The following OTOGL variants were observed in gnomAD, a reference collection of about 807,000 sequenced individuals.
OTOGL encodes the protein otogelin-like protein.
In OTOGL, 285 loss-of-function variants were observed where a neutral mutation model predicts 318.5. That is an observed-to-expected ratio of 0.89 (90% confidence interval 0.81 to 0.99). OTOGL has a LOEUF of 0.99. OTOGL is among the 50% of genes least tolerant of loss of function. The pLI, the probability that OTOGL is intolerant of heterozygous loss-of-function variation, is 0.00. For missense variants in OTOGL, 2,899 were observed against 2,845.6 expected, an observed-to-expected ratio of 1.02 and a Z score of -0.43; for synonymous variants, 987 against 936.5, an observed-to-expected ratio of 1.05 and a Z score of -0.99.
At chr12:80,253,052 TC>T (rs1881711649) in intron 13 of OTOGL, among the ~76,000 whole-genome samples, 1 of 152,308 alleles carries the variant, frequency 6.6e-6, no homozygotes, top group Non-Finnish European at 1.5e-5. Flanking sequence ...AGTCGCATGG[TC>T]TTGGACATTT....
chr12:80,299,982 T>G (rs753162782), intron 27 of OTOGL, among the ~76,000 whole-genome samples: 1 of 152,176 alleles, frequency 6.6e-6, no homozygotes, highest in African/African-American at 2.4e-5. Flanking sequence ...AGAAAAGATG[T>G]GCTTTTGTAT....
intron 44 of OTOGL, among the ~76,000 whole-genome samples, chr12:80,349,576 C>T (rs779248203): frequency 6.6e-6 from 1 of 152,022 alleles, no homozygotes; most frequent in Non-Finnish European, 1.5e-5. Flanking sequence ...AAGGAGAGAA[C>T]ATTTTAAGCA....
chr12:80,250,057 C>T (rs1462136009), intron 11 of OTOGL, among the ~76,000 whole-genome samples: 3 of 151,998 alleles, frequency 2.0e-5, no homozygotes, highest in Non-Finnish European at 4.4e-5. Context: ...GACCTGCGCC[C>T]ACTGTCTGGC....
At chr12:80,207,497 G>T (rs1317014562) in intron 1 of OTOGL, among the ~76,000 whole-genome samples, 2 of 152,116 alleles carry the variant, frequency 1.3e-5, no homozygotes, top group African/African-American at 2.4e-5. Flanking sequence ...GAGCCACCAC[G>T]CCCAGCCCTG....
intron 37 of OTOGL, 151 bp from the exon 38 acceptor site, chr12:80,332,854 T>C: frequency 1.7e-6 from 1 of 600,246 alleles, no homozygotes; most frequent in Non-Finnish European, 2.8e-6. Context: ...CTGTAAAATG[T>C]CGATACTATT....
At chr12:80,182,037 T>G (rs1441440239) in intron 1 of OTOGL, among the ~76,000 whole-genome samples, 1 of 152,040 alleles carries the variant, frequency 6.6e-6, no homozygotes, top group Non-Finnish European at 1.5e-5. Context: ...TGTGGTGGCA[T>G]AGACCTGTAG....
At chr12:80,128,767 C>T (rs933069150) in intron 1 of OTOGL, among the ~76,000 whole-genome samples, 13 of 152,174 alleles carry the variant, frequency 8.5e-5, no homozygotes, top group African/African-American at 1.9e-4. Flanking sequence ...GCCTCGCTGC[C>T]GCCTTGCCGT....
At position 80,379,218 on chromosome 12, in the gene OTOGL, A is replaced by C. The variant is rs1891337737; in HGVS notation, c.*1170A>C. 6.6e-6 allele frequency: 1 copy of C among 151,990 alleles called. No individual in the cohort carries two copies. Among genetic ancestry groups the C allele is most frequent in the Non-Finnish European group, 1.5e-5 (1 of 67,864 alleles). The allele number at this position is 151,990 out of a possible 1,614,324, so 9.4% of individuals were successfully genotyped here. Reference sequence around the variant, plus strand: ...TAAAAATTGTCTGAATTTTCTCCTCAGTATAAAGGAGTGAATGCCCTACTT... The same window carrying C: ...TAAAAATTGTCTGAATTTTCTCCTCCGTATAAAGGAGTGAATGCCCTACTT... On this transcript the variant is annotated 3_prime_UTR_variant, in exon 59 of 59. Coordinates refer to ENST00000547103, the MANE Select transcript of OTOGL (RefSeq NM_001378609.3).
intron 11 of OTOGL, among the ~76,000 whole-genome samples, chr12:80,244,260 G>A (rs1464248048): frequency 1.5e-4 from 22 of 149,202 alleles, no homozygotes; most frequent in East Asian, 2.0e-4. Context: ...GTGCTGGTGC[G>A]CTGCACCCAC....
At position 80,356,929 on chromosome 12, in the gene OTOGL, G is replaced by C; in HGVS notation, c.6019+15G>C. On this transcript the variant is annotated intron_variant, in intron 49 of 58. Coordinates refer to ENST00000547103, the MANE Select transcript of OTOGL (RefSeq NM_001378609.3). The stretch of plus-strand genomic sequence containing the variant: ...CCCTTTTTGTGGTGAGTATTGTAGA[G>C]ATAATTTCTTGGAAGAAGAGAAAGG... 2 of 1,478,192 alleles carry C rather than the reference G, an allele frequency of 1.4e-6. No individual in the cohort carries two copies. The highest frequency in any genetic ancestry group is 9.0e-7 in the Non-Finnish European group (1 of 1,105,474). 91.6% of individuals were successfully genotyped at this position (1,478,192 alleles called of 1,614,324 possible).
Position 80,209,505 on chromosome 12 carries a change from T to C in OTOGL, c.74T>C (p.Leu25Ser), listed in dbSNP as rs1877076687. The C allele has an allele frequency of 1.4e-6, 2 of 1,476,930 alleles. No individual in the cohort carries two copies. Among genetic ancestry groups the C allele is most frequent in the Non-Finnish European group, 1.8e-6 (2 of 1,097,402 alleles). 91.5% of individuals were successfully genotyped at this position (1,476,930 alleles called of 1,614,324 possible). ...IFLLHVLLFS[L>S]QEYICASSIL... is the part of the protein sequence containing the mutation. Reference sequence around the variant, plus strand: ...TTGCTTCATGTACTGCTGTTTTCATTACAAGGTAAGAACTCAGATTAAATT... The same window carrying C: ...TTGCTTCATGTACTGCTGTTTTCATCACAAGGTAAGAACTCAGATTAAATT... Residue 25 changes from leucine to serine, a missense_variant, in exon 2 of 59, where the codon TTA becomes TCA. By Grantham distance (145) the Leu-to-Ser change is moderately radical. Around this residue, in one of 3 missense-constraint regions of OTOGL, gnomAD observed 2,607 missense variants for 2,524.9 expected, o/e 1.03. Transcript: ENST00000547103.
chr12:80,307,591 G>T (rs1484918324), intron 29 of OTOGL, among the ~76,000 whole-genome samples: 1 of 146,154 alleles, frequency 6.8e-6, no homozygotes, highest in Admixed American at 6.7e-5. Flanking sequence ...CCTCCTGGAC[G>T]GGGCGGCTGG....
chr12:80,188,162 T>A (rs760186686), intron 1 of OTOGL, among the ~76,000 whole-genome samples: 2 of 152,194 alleles, frequency 1.3e-5, no homozygotes, highest in Non-Finnish European at 2.9e-5. Context: ...TGCACTTGGA[T>A]AGAGAAGATC....
At chr12:80,154,273 C>T (rs1290219648) in intron 1 of OTOGL, among the ~76,000 whole-genome samples, 1 of 152,004 alleles carries the variant, frequency 6.6e-6, no homozygotes, top group Non-Finnish European at 1.5e-5. Flanking sequence ...CATGCCACTG[C>T]ACTCCAGCCT....
At chr12:80,263,687 AT>A (rs568840438) in intron 19 of OTOGL, among the ~76,000 whole-genome samples, 3,749 of 151,434 alleles carry the variant, frequency 0.025, 173 homozygotes, top group African/African-American at 0.085. Context: ...ATGAACTGTG[AT>A]TTTTTTTTAA....
intron 28 of OTOGL, among the ~76,000 whole-genome samples, chr12:80,303,391 A>C (rs1885902419): frequency 6.6e-6 from 1 of 152,230 alleles, no homozygotes; most frequent in Non-Finnish European, 1.5e-5. Flanking sequence ...TCCTGACCTC[A>C]TGATCCACCC....
At chr12:80,270,493 A>G (rs1049290686) in intron 23 of OTOGL, among the ~76,000 whole-genome samples, 2 of 152,236 alleles carry the variant, frequency 1.3e-5, no homozygotes, top group East Asian at 1.9e-4. Flanking sequence ...TGTGGGACAG[A>G]AATTGGGAAA....
At chr12:80,211,902 T>G (rs1877285104) in intron 3 of OTOGL, 47 bp from the exon 4 acceptor site, 3 of 1,450,096 alleles carry the variant, frequency 2.1e-6, no homozygotes, top group African/African-American at 2.8e-5. Context: ...CTTGTTCAGG[T>G]TGCCTAGGGG....
intron 1 of OTOGL, among the ~76,000 whole-genome samples, chr12:80,179,684 A>C (rs568756294): frequency 1.2e-3 from 183 of 152,286 alleles, no homozygotes; most frequent in African/African-American, 4.3e-3. Flanking sequence ...TGAGAGCCTG[A>C]AAAAATGTGG....
Sources: gnomAD v4.1 joint callset for allele counts (sites outside exome capture counted in the v4.1 genomes callset) on GRCh38, gnomAD v4.1.1 for gene constraint, gnomAD v4.1.1 regional missense constraint, MANE v1.5 for transcripts, NCBI Gene and HGNC (gene_info 2026-07-23, HGNC 2026-07-21) for gene names.